Variants in MIPOL1 observed in about 807,000 individuals in gnomAD.
MIPOL1 encodes the protein mirror-image polydactyly gene 1 protein.
Under a neutral mutation model 60.9 loss-of-function variants are expected in MIPOL1, and 57 were observed. The ratio of observed to expected loss-of-function variants is 0.94; its 90% confidence interval spans 0.76 to 1.17. The LOEUF (loss-of-function observed/expected upper bound fraction) is 1.17, where lower values mean the gene tolerates loss of function less well. MIPOL1 is among the 50% of genes most tolerant of loss of function. MIPOL1 has a pLI of 0.00. For missense variants in MIPOL1, 551 were observed against 511.6 expected, an observed-to-expected ratio of 1.08 and a Z score of -0.74; for synonymous variants, 179 against 168.8, an observed-to-expected ratio of 1.06 and a Z score of -0.47.
intron 11 of MIPOL1, among the ~76,000 whole-genome samples, chr14:37,453,181 G>A (rs1459339348): frequency 6.6e-6 from 1 of 151,942 alleles, no homozygotes; most frequent in Non-Finnish European, 1.5e-5. Context: ...CATATGATAG[G>A]CCGTTATATT....
In MIPOL1 at chr14:37,549,241, T is replaced by C. The variant is rs748490533; in HGVS notation, c.*2270T>C. ...TACACATCATCAACTCTAAATCCTATAGTAACATGAGAATTCACTTCTTCT... is the reference window on the plus strand; with the variant it reads ...TACACATCATCAACTCTAAATCCTACAGTAACATGAGAATTCACTTCTTCT... On this transcript the variant is annotated 3_prime_UTR_variant, in exon 13 of 13. Coordinates refer to ENST00000684589, the MANE Select transcript of MIPOL1 (RefSeq NM_001388067.1). 3.3e-5 allele frequency: 5 copies of C among 151,996 alleles called. No homozygotes were observed. Among genetic ancestry groups the C allele is most frequent in the South Asian group, 2.1e-4 (1 of 4,824 alleles). 9.4% of individuals were successfully genotyped at this position (151,996 alleles called of 1,614,324 possible).
At chr14:37,341,910 T>C (rs998671020) in intron 9 of MIPOL1, among the ~76,000 whole-genome samples, 4 of 152,346 alleles carry the variant, frequency 2.6e-5, no homozygotes, top group Admixed American at 6.5e-5. Context: ...AGAGGAGTTA[T>C]TTATTATTCT....
chr14:37,210,004 C>A (rs539071849), intron 1 of MIPOL1, among the ~76,000 whole-genome samples: 3 of 152,234 alleles, frequency 2.0e-5, no homozygotes, highest in East Asian at 3.9e-4. Context: ...CCACTGCACC[C>A]TGCCAGATGG....
At chr14:37,399,426 T>C (rs1481202664) in intron 10 of MIPOL1, among the ~76,000 whole-genome samples, 1 of 152,216 alleles carries the variant, frequency 6.6e-6, no homozygotes, top group Non-Finnish European at 1.5e-5. Flanking sequence ...GTTGTTTATC[T>C]CCCTAAGCCA....
intron 1 of MIPOL1, among the ~76,000 whole-genome samples, chr14:37,231,211 T>A (rs1264620814): frequency 6.6e-6 from 1 of 152,032 alleles, no homozygotes; most frequent in Admixed American, 6.6e-5. Context: ...CCTTAGCCTC[T>A]GGAGTAATTA....
intron 1 of MIPOL1, among the ~76,000 whole-genome samples, chr14:37,217,594 AAATC>A: frequency 6.6e-6 from 1 of 152,224 alleles, no homozygotes; most frequent in Non-Finnish European, 1.5e-5. Context: ...CAACATACAC[AAATC>A]AATCAATGTG....
chr14:37,455,061 T>A (rs2153577717), intron 11 of MIPOL1, among the ~76,000 whole-genome samples: 1 of 152,296 alleles, frequency 6.6e-6, no homozygotes, highest in South Asian at 2.1e-4. Flanking sequence ...CATCTCTCTC[T>A]CTTTAGTTTC....
At chr14:37,327,842 T>G (rs1300320092) in intron 9 of MIPOL1, among the ~76,000 whole-genome samples, 2 of 152,132 alleles carry the variant, frequency 1.3e-5, no homozygotes, top group Non-Finnish European at 2.9e-5. Context: ...AGTTGTGATT[T>G]AAGAGCAAGA....
intron 9 of MIPOL1, among the ~76,000 whole-genome samples, chr14:37,327,918 TA>T (rs531407176): frequency 6.0e-4 from 91 of 152,320 alleles, no homozygotes; most frequent in Non-Finnish European, 1.1e-3. Context: ...TGTTTGAAGG[TA>T]AATTTCATTA....
At chr14:37,457,193 T>C (rs1217844152) in intron 11 of MIPOL1, among the ~76,000 whole-genome samples, 1 of 152,188 alleles carries the variant, frequency 6.6e-6, no homozygotes, top group Non-Finnish European at 1.5e-5. Context: ...ACCAGGGCTG[T>C]AGGTGAGCTC....
At chr14:37,214,815 G>A (rs79979965) in intron 1 of MIPOL1, among the ~76,000 whole-genome samples, 5,231 of 152,134 alleles carry the variant, frequency 0.034, 227 homozygotes, top group East Asian at 0.24. Flanking sequence ...CAAGCGGACC[G>A]TGGTCTAGCG....
At chr14:37,492,645 A>G (rs2095061615) in intron 11 of MIPOL1, among the ~76,000 whole-genome samples, 1 of 152,166 alleles carries the variant, frequency 6.6e-6, no homozygotes, top group Admixed American at 6.5e-5. Flanking sequence ...TGAAATTAAT[A>G]TTCAGTAGGT....
At chr14:37,299,134 C>A (rs1367012803) in intron 7 of MIPOL1, among the ~76,000 whole-genome samples, 1 of 152,128 alleles carries the variant, frequency 6.6e-6, no homozygotes, top group Non-Finnish European at 1.5e-5. Context: ...ATGATGAGTT[C>A]ATGTCCTTTG....
intron 11 of MIPOL1, among the ~76,000 whole-genome samples, chr14:37,484,252 G>T (rs996565747): frequency 1.3e-5 from 2 of 151,280 alleles, no homozygotes; most frequent in Non-Finnish European, 2.9e-5. Flanking sequence ...AAAGTTTTCA[G>T]CCATTGTTTC....
chr14:37,454,895 A>G (rs377605310), intron 11 of MIPOL1, among the ~76,000 whole-genome samples: 1 of 152,186 alleles, frequency 6.6e-6, no homozygotes, highest in African/African-American at 2.4e-5. Context: ...ATTATAAAAA[A>G]TTCTTACTGT....
At chr14:37,533,827 C>T (rs1427400147) in intron 12 of MIPOL1, among the ~76,000 whole-genome samples, 2 of 152,146 alleles carry the variant, frequency 1.3e-5, no homozygotes, top group African/African-American at 4.8e-5. Flanking sequence ...TTCAAGGCAA[C>T]TTCATTCCTT....
At chr14:37,325,486 T>C (rs2089060883) in intron 9 of MIPOL1, among the ~76,000 whole-genome samples, 2 of 151,932 alleles carry the variant, frequency 1.3e-5, no homozygotes, top group Non-Finnish European at 2.9e-5. Context: ...CTTTCCTTCT[T>C]CCTCCCTCCC....
In MIPOL1 at chr14:37,473,728, A is replaced by T. The variant is rs376170190; in HGVS notation, c.1032-26180A>T. ...TGTTAAAACTACTGAAAACATACTG[A>T]TGTATTATCATTAGCTAAAGTCCAT... On this transcript the variant is annotated intron_variant, in intron 11 of 12. Transcript: ENST00000684589. 3.2e-4 allele frequency among the ~76,000 whole-genome samples: 48 copies of T among 152,282 alleles called. No homozygotes were observed. In the East Asian group the frequency reaches 8.1e-3, roughly 26 times the overall value.
At chr14:37,366,685 C>T (rs547478543) in intron 9 of MIPOL1, among the ~76,000 whole-genome samples, 1 of 151,998 alleles carries the variant, frequency 6.6e-6, no homozygotes, top group African/African-American at 2.4e-5. Flanking sequence ...AGTTCAGATT[C>T]AGTCCGAAGT....
Sources: gnomAD v4.1 joint callset for allele counts (sites outside exome capture counted in the v4.1 genomes callset) on GRCh38, gnomAD v4.1.1 for gene constraint, MANE v1.5 for transcripts, NCBI Gene and HGNC (gene_info 2026-07-23, HGNC 2026-07-21) for gene names.